Variants in TRHDE observed in about 807,000 individuals in gnomAD.
TRHDE encodes thyrotropin releasing hormone degrading enzyme, also known as thyrotropin-releasing hormone-degrading ectoenzyme.
TRHDE carries 72 observed loss-of-function variants against 125.7 expected under a neutral mutation model. The ratio of observed to expected loss-of-function variants is 0.57; its 90% confidence interval spans 0.47 to 0.70. The LOEUF (loss-of-function observed/expected upper bound fraction) is 0.70. TRHDE is among the 30% of genes least tolerant of loss of function. TRHDE has a pLI of 0.00. For missense variants in TRHDE, 1,110 were observed against 1,327.1 expected (o/e 0.84, Z 2.54); for synonymous variants, 509 against 509.1 (o/e 1.00, Z 0.00).
chr12:72,474,123 A>C (rs972861768), intron 5 of TRHDE, among the ~76,000 whole-genome samples: 1 of 152,078 alleles, frequency 6.6e-6, no homozygotes, highest in Non-Finnish European at 1.5e-5. Context: ...CAAGATTGAC[A>C]TACAAAATGC....
At chr12:72,452,194 T>G (rs1875614469) in intron 3 of TRHDE, among the ~76,000 whole-genome samples, 1 of 152,170 alleles carries the variant, frequency 6.6e-6, no homozygotes, top group Non-Finnish European at 1.5e-5. Flanking sequence ...CCTGAGGTTT[T>G]TTTTTTGTAG....
intron 2 of TRHDE, among the ~76,000 whole-genome samples, chr12:72,149,775 TA>T (rs1213572333): frequency 6.6e-6 from 1 of 152,280 alleles, no homozygotes; most frequent in African/African-American, 2.4e-5. Flanking sequence ...GCATATTTAC[TA>T]AAATTGGGTG....
At chr12:72,582,467 GTTTT>G in intron 12 of TRHDE, 3 of 985,324 alleles carry the variant, frequency 3.0e-6, no homozygotes, top group Non-Finnish European at 3.6e-6. Flanking sequence ...TTTGTTAGAA[GTTTT>G]TTTGTGTCTT....
intron 2 of TRHDE, among the ~76,000 whole-genome samples, chr12:72,118,788 G>A (rs968199492): frequency 2.6e-5 from 4 of 152,078 alleles, no homozygotes; most frequent in Non-Finnish European, 5.9e-5. Flanking sequence ...TAGGTTGTAT[G>A]TGTCTAGAAA....
chr12:72,453,297 T>A (rs1875672474), intron 3 of TRHDE, among the ~76,000 whole-genome samples: 1 of 152,184 alleles, frequency 6.6e-6, no homozygotes, highest in African/African-American at 2.4e-5. Flanking sequence ...TTGGTTGGAT[T>A]GTGTAAATGC....
intron 3 of TRHDE, among the ~76,000 whole-genome samples, chr12:72,411,504 A>G (rs1018445714): frequency 6.6e-6 from 1 of 152,058 alleles, no homozygotes. Flanking sequence ...TAAACTTAGA[A>G]CAAAAATTAA....
chr12:72,515,781 T>C (rs370808567), intron 6 of TRHDE, among the ~76,000 whole-genome samples: 1,838 of 151,862 alleles, frequency 0.012, 13 homozygotes, highest in Non-Finnish European at 0.019. Context: ...TTAGGTCTAA[T>C]GTTTAAGTGT....
intron 2 of TRHDE, among the ~76,000 whole-genome samples, chr12:72,116,384 G>C (rs1315211854): frequency 6.6e-6 from 1 of 152,162 alleles, no homozygotes; most frequent in Non-Finnish European, 1.5e-5. Context: ...ACAGTAATGG[G>C]ATTGCTGGGT....
At chr12:72,151,255 T>C (rs1414008738) in intron 2 of TRHDE, among the ~76,000 whole-genome samples, 1 of 152,232 alleles carries the variant, frequency 6.6e-6, no homozygotes, top group Non-Finnish European at 1.5e-5. Context: ...TGTTTTTTTC[T>C]TGTAAATTTG....
At chr12:72,528,938 A>T (rs1356263266) in intron 6 of TRHDE, among the ~76,000 whole-genome samples, 1 of 152,108 alleles carries the variant, frequency 6.6e-6, no homozygotes, top group Admixed American at 6.6e-5. Context: ...TTTAACGATG[A>T]TTATAATATA....
intron 12 of TRHDE, among the ~76,000 whole-genome samples, chr12:72,618,045 T>C (rs1288691981): frequency 6.6e-6 from 1 of 152,176 alleles, no homozygotes; most frequent in Non-Finnish European, 1.5e-5. Flanking sequence ...ACATCAAGGC[T>C]AAGACCATCT....
chr12:72,537,796 A>T (rs898510318), intron 6 of TRHDE, among the ~76,000 whole-genome samples: 2 of 152,028 alleles, frequency 1.3e-5, no homozygotes, highest in African/African-American at 4.8e-5. Flanking sequence ...AGAGCCTGCT[A>T]TGTGCCAGGA....
chr12:72,396,393 G>A (rs1363733674), intron 3 of TRHDE, among the ~76,000 whole-genome samples: 1 of 152,080 alleles, frequency 6.6e-6, no homozygotes, highest in African/African-American at 2.4e-5. Context: ...TCAGCTAAGA[G>A]CCCTATTTTA....
At chr12:72,091,086 C>T (rs1214582057) in intron 1 of TRHDE, among the ~76,000 whole-genome samples, 1 of 152,022 alleles carries the variant, frequency 6.6e-6, no homozygotes, top group Non-Finnish European at 1.5e-5. Flanking sequence ...GTTGCACAGG[C>T]TGGTGTCAAA....
chr12:72,233,071 G>C (rs953307265), intron 2 of TRHDE, among the ~76,000 whole-genome samples: 1 of 152,130 alleles, frequency 6.6e-6, no homozygotes, highest in East Asian at 1.9e-4. Flanking sequence ...AAGTGAATGA[G>C]AAGTGATGGT....
At chr12:72,658,075 GAGCTA>G (rs1485852364) in intron 18 of TRHDE, among the ~76,000 whole-genome samples, 3 of 152,046 alleles carry the variant, frequency 2.0e-5, no homozygotes, top group East Asian at 3.9e-4. Context: ...TTCACACCAT[GAGCTA>G]AGCTAAGCTA....
intron 3 of TRHDE, among the ~76,000 whole-genome samples, chr12:72,429,879 A>G (rs1305693664): frequency 6.6e-6 from 1 of 152,066 alleles, no homozygotes; most frequent in South Asian, 2.1e-4. Flanking sequence ...GAGTTGTAAG[A>G]ATAATTTGTA....
chr12:72,165,303 C>A (rs1387829429), intron 2 of TRHDE, among the ~76,000 whole-genome samples: 1 of 152,130 alleles, frequency 6.6e-6, no homozygotes, highest in Non-Finnish European at 1.5e-5. Context: ...GATAGACTAC[C>A]AACATCTCAC....
intron 3 of TRHDE, among the ~76,000 whole-genome samples, chr12:72,423,212 T>A (rs150328106): frequency 2.7e-4 from 41 of 152,316 alleles, no homozygotes; most frequent in African/African-American, 9.6e-4. Context: ...GGTACAGAAG[T>A]GGAACACATT....
Sources: allele counts gnomAD v4.1 joint callset (sites outside exome capture counted in the v4.1 genomes callset), GRCh38; gene constraint gnomAD v4.1.1; transcripts MANE v1.5; gene names NCBI Gene and HGNC (gene_info 2026-07-23, HGNC 2026-07-21).